Variants in ATP9B observed in about 807,000 individuals in gnomAD.
ATP9B encodes ATPase phospholipid transporting 9B.
In ATP9B, 110 loss-of-function variants were observed where a neutral mutation model predicts 146.1. That is an observed-to-expected ratio of 0.75 (90% confidence interval 0.65 to 0.88). The LOEUF (loss-of-function observed/expected upper bound fraction) is 0.88, where lower values mean the gene tolerates loss of function less well. ATP9B is among the 40% of genes least tolerant of loss of function. ATP9B has a pLI of 0.00. For missense variants in ATP9B, 1,499 were observed against 1,496.4 expected, an observed-to-expected ratio of 1.00 and a Z score of -0.03; for synonymous variants, 604 against 569.7, an observed-to-expected ratio of 1.06 and a Z score of -0.86.
intron 8 of ATP9B, among the ~76,000 whole-genome samples, chr18:79,182,878 G>A (rs2095266473): frequency 6.6e-6 from 1 of 152,206 alleles, no homozygotes; most frequent in Non-Finnish European, 1.5e-5. Context: ...ACCTTTAGAT[G>A]TTCCTGCCCT....
intron 7 of ATP9B, among the ~76,000 whole-genome samples, chr18:79,159,119 T>C (rs1214711062): frequency 6.6e-6 from 1 of 152,242 alleles, no homozygotes; most frequent in Non-Finnish European, 1.5e-5. Flanking sequence ...TGTCATACTT[T>C]CTACCTATTT....
At chr18:79,194,967 G>A (rs2095405148) in intron 9 of ATP9B, among the ~76,000 whole-genome samples, 1 of 152,192 alleles carries the variant, frequency 6.6e-6, no homozygotes, top group Non-Finnish European at 1.5e-5. Flanking sequence ...AGTACAGGTT[G>A]GAAGTGACGT....
intron 1 of ATP9B, among the ~76,000 whole-genome samples, chr18:79,095,342 T>A (rs1290906538): frequency 6.6e-6 from 1 of 152,174 alleles, no homozygotes; most frequent in Non-Finnish European, 1.5e-5. Flanking sequence ...CACAGACCTA[T>A]TGCCCTTAGA....
chr18:79,360,562 TAACC>T (rs1448442267), intron 26 of ATP9B: 1 of 152,338 alleles, frequency 6.6e-6, no homozygotes, highest in East Asian at 1.9e-4. Context: ...CTTATCCAGC[TAACC>T]ACTGACAAAC....
Position 79,143,851 on chromosome 18 carries a change from A to G in ATP9B, c.717A>G (p.Ile239Met). Residue 239 changes from isoleucine (I) to methionine (M), a missense_variant, in exon 6 of 30, where the codon ATA becomes ATG. Transcript: ENST00000426216. Reference protein sequence around the residue: ...SSDIQVGDLIIVEKNQRIPSD... With the variant: ...SSDIQVGDLIMVEKNQRIPSD... ...ACATACAAGTTGGAGACCTCATCAT[A>G]GTGGAAAAGGTTGATGATTTTTTAA... 6.3e-7 allele frequency: 1 copy of G among 1,576,244 alleles called. No homozygotes were observed.
intron 27 of ATP9B, among the ~76,000 whole-genome samples, chr18:79,373,491 CTT>C (rs59813494): frequency 3.9e-5 from 5 of 127,748 alleles, no homozygotes; most frequent in Admixed American, 7.9e-5. Flanking sequence ...CATTATCCGC[CTT>C]TTTTTTTTTT....
chr18:79,368,896 C>A (rs1402408432), intron 26 of ATP9B, among the ~76,000 whole-genome samples: 1 of 152,012 alleles, frequency 6.6e-6, no homozygotes, highest in Non-Finnish European at 1.5e-5. Context: ...CACTTCCTCC[C>A]CAGCTTCCCT....
intron 11 of ATP9B, among the ~76,000 whole-genome samples, chr18:79,251,941 T>A (rs1381035532): frequency 6.6e-6 from 1 of 152,268 alleles, no homozygotes; most frequent in Non-Finnish European, 1.5e-5. Context: ...CTTCCGCTAA[T>A]GTCACATAGA....
intron 11 of ATP9B, among the ~76,000 whole-genome samples, chr18:79,214,982 T>C (rs2095613987): frequency 2.6e-5 from 4 of 151,698 alleles, no homozygotes; most frequent in African/African-American, 9.7e-5. Context: ...ACCCTGTCTC[T>C]ACCAGAAATA....
chr18:79,279,488 A>G (rs2096353285), intron 13 of ATP9B, among the ~76,000 whole-genome samples: 1 of 152,212 alleles, frequency 6.6e-6, no homozygotes, highest in East Asian at 1.9e-4. Context: ...AAAGAAAACA[A>G]ATTCATAGAA....
chr18:79,280,073 A>G (rs1599549978), intron 13 of ATP9B, among the ~76,000 whole-genome samples: 1 of 152,264 alleles, frequency 6.6e-6, no homozygotes, highest in African/African-American at 2.4e-5. Flanking sequence ...AACTGTCTAG[A>G]TGTAACATAA....
At chr18:79,216,095 A>G (rs898625634) in intron 11 of ATP9B, among the ~76,000 whole-genome samples, 1 of 152,208 alleles carries the variant, frequency 6.6e-6, no homozygotes, top group Non-Finnish European at 1.5e-5. Context: ...TTAAATATGA[A>G]TTTAAAATCT....
intron 10 of ATP9B, among the ~76,000 whole-genome samples, chr18:79,211,173 C>G (rs1464654644): frequency 1.3e-5 from 2 of 152,128 alleles, no homozygotes; most frequent in East Asian, 1.9e-4. Flanking sequence ...CTGGTATAAA[C>G]TAGAAATGTT....
chr18:79,365,289 G>C (rs1191276883), intron 26 of ATP9B, among the ~76,000 whole-genome samples: 2 of 152,166 alleles, frequency 1.3e-5, no homozygotes, highest in Non-Finnish European at 2.9e-5. Context: ...GGAACTGCAA[G>C]TTGAAGCCAC....
chr18:79,146,607 C>T (rs1423315885), intron 6 of ATP9B: 28 of 256,888 alleles, frequency 1.1e-4, no homozygotes, highest in Middle Eastern at 1.4e-3. Flanking sequence ...TGCTGCGTGT[C>T]GGGGGAGCTG....
chr18:79,190,511 TACACACACACACAC>T (rs68063845), intron 8 of ATP9B, among the ~76,000 whole-genome samples: 1 of 143,550 alleles, frequency 7.0e-6, no homozygotes, highest in South Asian at 2.2e-4. Flanking sequence ...TTTTTATTTA[TACACACACACACAC>T]ACACACACAC....
intron 1 of ATP9B, among the ~76,000 whole-genome samples, chr18:79,092,640 C>CTTTTT (rs145337759): frequency 2.6e-4 from 31 of 118,248 alleles, no homozygotes; most frequent in African/African-American, 8.0e-4. Context: ...TTTACTTAAA[C>CTTTTT]TTTTTTTTTT....
chr18:79,185,373 T>C (rs1206949386), intron 8 of ATP9B, among the ~76,000 whole-genome samples: 1 of 152,212 alleles, frequency 6.6e-6, no homozygotes, highest in African/African-American at 2.4e-5. Context: ...TAGTGACAGA[T>C]ATATACACAT....
intron 1 of ATP9B, among the ~76,000 whole-genome samples, chr18:79,096,059 G>A (rs1455404703): frequency 6.6e-6 from 1 of 152,216 alleles, no homozygotes; most frequent in African/African-American, 2.4e-5. Context: ...TAGAATGTTG[G>A]TTGATGACTT....
Sources: gnomAD v4.1 joint callset for allele counts (sites outside exome capture counted in the v4.1 genomes callset) on GRCh38, gnomAD v4.1.1 for gene constraint, MANE v1.5 for transcripts, NCBI Gene and HGNC (gene_info 2026-07-23, HGNC 2026-07-21) for gene names.